The following FTCDNL1 variants were observed in gnomAD, a reference collection of about 807,000 sequenced individuals.
The protein encoded by FTCDNL1 is formiminotransferase N-terminal subdomain-containing protein.
FTCDNL1 carries 11 observed loss-of-function variants against 5.9 expected under a neutral mutation model. The ratio of observed to expected loss-of-function variants is 1.87; its 90% CI spans 1.18 to 3.10. The LOEUF (loss-of-function observed/expected upper bound fraction) is 3.10, where lower values mean the gene tolerates loss of function less well. Ranked by LOEUF, FTCDNL1 falls within the 30% of genes most tolerant of loss-of-function variation. The probability of loss-of-function intolerance (pLI) is 0.00; values close to 1 mark genes in which losing one functional copy is unlikely to be tolerated. For missense variants in FTCDNL1, 115 were observed against 65.5 expected (o/e 1.76, Z -2.61); for synonymous variants, 58 against 24.8 (o/e 2.34, Z -3.99).
At chr2:199,670,465 A>G in the FTCDNL1 span, among the ~76,000 whole-genome samples, 6 of 152,236 alleles carry the variant, frequency 3.9e-5, no homozygotes, top group African/African-American at 1.4e-4. Context: ...AATGGCAGAA[A>G]TCAAGAGACT....
chr2:199,815,171 A>T (rs928008808), intron 4 of FTCDNL1, among the ~76,000 whole-genome samples: 2 of 152,216 alleles, frequency 1.3e-5, no homozygotes, highest in African/African-American at 2.4e-5. Context: ...ATCAACTATT[A>T]CTGCTTTGCC....
At chr2:199,780,784 C>T (rs942393689) in intron 3 of FTCDNL1, among the ~76,000 whole-genome samples, 1 of 152,160 alleles carries the variant, frequency 6.6e-6, no homozygotes, top group African/African-American at 2.4e-5. Flanking sequence ...GTCTTGTTGC[C>T]AAATACATTC....
At chr2:199,770,604 T>C (rs746888354) in intron 3 of FTCDNL1, among the ~76,000 whole-genome samples, 13 of 152,234 alleles carry the variant, frequency 8.5e-5, no homozygotes, top group Non-Finnish European at 1.6e-4. Context: ...CCCCCAGGGC[T>C]GTTAGTTATT....
downstream of FTCDNL1, among the ~76,000 whole-genome samples, chr2:199,805,895 G>A (rs577770099): frequency 2.6e-5 from 4 of 151,660 alleles, no homozygotes; most frequent in African/African-American, 7.3e-5. Context: ...CTGCAGCCTG[G>A]GTAACAAAGC....
chr2:199,682,876 A>G, the FTCDNL1 span, among the ~76,000 whole-genome samples: 5 of 152,204 alleles, frequency 3.3e-5, no homozygotes, highest in Non-Finnish European at 7.3e-5. Context: ...TCATCATCGA[A>G]TGATTAACAG....
the FTCDNL1 span, among the ~76,000 whole-genome samples, chr2:199,673,327 CAA>C: frequency 0.014 from 998 of 69,716 alleles, 6 homozygotes; most frequent in African/African-American, 0.053. Flanking sequence ...GACTCTGTCT[CAA>C]AAAAAAAAAA....
At chr2:199,834,542 C>A (rs1288594992) in intron 3 of FTCDNL1, among the ~76,000 whole-genome samples, 1 of 152,122 alleles carries the variant, frequency 6.6e-6, no homozygotes, top group Non-Finnish European at 1.5e-5. Context: ...TAAAGCTGTC[C>A]AGCCTCAGGC....
At chr2:199,807,520 C>T (rs755914977), downstream of FTCDNL1, among the ~76,000 whole-genome samples, 8 of 152,044 alleles carry the variant, frequency 5.3e-5, no homozygotes, top group Non-Finnish European at 7.4e-5. Context: ...ACCTGTAATC[C>T]CAGCTACTCA....
Position 199,810,946 on chromosome 2 carries a change from G to C in FTCDNL1, c.*1759C>G, listed in dbSNP as rs1701000410. On this transcript the variant is annotated 3_prime_UTR_variant, in exon 5 of 5. Transcript: ENST00000420128. ...TTTTCCCTAGACTACGATGGTTTGG[G>C]GGCTTTGTTGCCTAGCCTGGCTACT... Among the ~76,000 whole-genome samples, 1 of 152,068 alleles carries C rather than the reference G, an allele frequency of 6.6e-6. No individual in the cohort carries two copies. The highest frequency in any genetic ancestry group is 2.4e-5 in the African/African-American group (1 of 41,410).
chr2:199,738,985 C>T, the FTCDNL1 span, among the ~76,000 whole-genome samples: 1 of 152,094 alleles, frequency 6.6e-6, no homozygotes, highest in African/African-American at 2.4e-5. Context: ...ATGTGACAGG[C>T]GTTGCAATAA....
At position 199,811,055 on chromosome 2, in the gene FTCDNL1, T is replaced by C. The variant is rs1331338897; in HGVS notation, c.*1650A>G. 1.3e-5 allele frequency among the ~76,000 whole-genome samples: 2 copies of C among 152,138 alleles called. No homozygotes were observed. Among genetic ancestry groups the C allele is most frequent in the Non-Finnish European group, 2.9e-5 (2 of 68,034 alleles). On this transcript the variant is annotated 3_prime_UTR_variant, in exon 5 of 5. Transcript: ENST00000420128. ...TCCCACACATGTACATAATGAAACA[T>C]TTCAACTCCCGAGGCTGGGCCTCTT... is the stretch of plus-strand genomic sequence containing the variant.
chr2:199,826,238 A>AC (rs1702022064), intron 3 of FTCDNL1, among the ~76,000 whole-genome samples: 1 of 152,104 alleles, frequency 6.6e-6, no homozygotes. Context: ...TGTGGTAGCA[A>AC]CCCCCAGCTG....
At chr2:199,808,946 C>T (rs1445073988), downstream of FTCDNL1, among the ~76,000 whole-genome samples, 1 of 152,158 alleles carries the variant, frequency 6.6e-6, no homozygotes, top group African/African-American at 2.4e-5. Flanking sequence ...GCCACACAGC[C>T]TCCGCCAAAG....
the FTCDNL1 span, among the ~76,000 whole-genome samples, chr2:199,743,614 T>C: frequency 2.6e-4 from 39 of 152,018 alleles, no homozygotes; most frequent in African/African-American, 8.7e-4. Flanking sequence ...GCGTTTCTCC[T>C]GAGACTACAT....
chr2:199,836,430 CCA>C (rs1702746253), intron 3 of FTCDNL1, among the ~76,000 whole-genome samples: 1 of 152,162 alleles, frequency 6.6e-6, no homozygotes, highest in Admixed American at 6.5e-5. Context: ...CCTTGGCCTC[CCA>C]AAGTGCTGGG....
the FTCDNL1 span, among the ~76,000 whole-genome samples, chr2:199,720,460 C>T: frequency 5.9e-5 from 9 of 152,162 alleles, no homozygotes; most frequent in African/African-American, 2.2e-4. Flanking sequence ...GAAATGTATA[C>T]TCTTCTTGTC....
chr2:199,705,867 A>G, the FTCDNL1 span, among the ~76,000 whole-genome samples: 9 of 152,304 alleles, frequency 5.9e-5, no homozygotes, highest in East Asian at 1.7e-3. Flanking sequence ...CAGAGACTTC[A>G]TATCTGTTGC....
the FTCDNL1 span, among the ~76,000 whole-genome samples, chr2:199,692,441 T>G: frequency 4.6e-5 from 7 of 152,328 alleles, no homozygotes; most frequent in African/African-American, 1.7e-4. Flanking sequence ...ATGTTAATCT[T>G]AAATAGCCTG....
the FTCDNL1 span, among the ~76,000 whole-genome samples, chr2:199,698,859 T>C: frequency 9.1e-3 from 1,387 of 151,950 alleles, 23 homozygotes; most frequent in African/African-American, 0.031. Flanking sequence ...ATAAATGAGA[T>C]TGATAGACTG....
Sources: gnomAD v4.1 joint callset for allele counts (sites outside exome capture counted in the v4.1 genomes callset) on GRCh38, gnomAD v4.1.1 for gene constraint, MANE v1.5 for transcripts, NCBI Gene and HGNC (gene_info 2026-07-23, HGNC 2026-07-21) for gene names.